PIK3C3: variants seen among roughly 807,000 people sequenced by gnomAD.
The protein encoded by PIK3C3 is PI3-kinase type 3.
In PIK3C3, 95 loss-of-function variants were observed where a neutral mutation model predicts 126.1. That is an observed-to-expected ratio of 0.75 (90% CI 0.64 to 0.89). The LOEUF (loss-of-function observed/expected upper bound fraction) is 0.89, where lower values mean the gene tolerates loss of function less well. PIK3C3 is among the 40% of genes least tolerant of loss of function. PIK3C3 has a pLI of 0.00. For missense variants in PIK3C3, 829 were observed against 1,063.2 expected, an observed-to-expected ratio of 0.78 and a Z score of 3.06; for synonymous variants, 374 against 360.0, an observed-to-expected ratio of 1.04 and a Z score of -0.44.
At chr18:41,979,555 C>T (rs1295433185) in intron 4 of PIK3C3, among the ~76,000 whole-genome samples, 12 of 152,018 alleles carry the variant, frequency 7.9e-5, no homozygotes, top group Non-Finnish European at 5.9e-5. Flanking sequence ...CCTGTACCCA[C>T]GTAATGATAT....
At chr18:41,957,479 T>A in intron 1 of PIK3C3, 91 bp from the exon 2 acceptor site, 1 of 1,280,226 alleles carries the variant, frequency 7.8e-7, no homozygotes, top group Non-Finnish European at 1.1e-6. Flanking sequence ...TGTACATGCT[T>A]AAAGCATATA....
At chr18:42,078,606 A>C (rs1986123829) in intron 24 of PIK3C3, among the ~76,000 whole-genome samples, 1 of 150,844 alleles carries the variant, frequency 6.6e-6, no homozygotes, top group Non-Finnish European at 1.5e-5. Context: ...GAAGCTTTGA[A>C]TCCAGACATT....
chr18:42,040,037 A>G (rs190607724), intron 18 of PIK3C3, among the ~76,000 whole-genome samples: 126 of 152,006 alleles, frequency 8.3e-4, no homozygotes, highest in African/African-American at 2.7e-3. Context: ...TGATCCTGAA[A>G]TGTTGTTTGC....
chr18:41,962,350 G>A lies in PIK3C3; in HGVS notation c.258-139G>A, dbSNP rs1231296757. The A allele has an allele frequency of 9.7e-6, 5 of 517,808 alleles. No homozygotes were observed. In the South Asian group the frequency reaches 1.9e-4, roughly 20 times the overall value. The allele number at this position is 517,808 out of a possible 1,614,324, so 32.1% of individuals were successfully genotyped here. ...AAGTTGCCTTTAGCAAAATTGAGGT[G>A]ACTGCCATATTATTTTTTAGAGTCT... On this transcript the variant is annotated intron_variant, in intron 2 of 24. Coordinates refer to ENST00000262039, the MANE Select transcript of PIK3C3 (RefSeq NM_002647.4).
rs932178669 is a variant in PIK3C3 at position 41,989,058 on chromosome 18, C to T, written c.618+1160C>T. ...TAAAGCTGAAGAATTTAAGTAACCT[C>T]TTCAGACCTTTATCATTTATTATTT... On this transcript the variant is annotated intron_variant, in intron 5 of 24. Coordinates refer to ENST00000262039, the MANE Select transcript of PIK3C3 (RefSeq NM_002647.4). 2.5e-4 allele frequency among the ~76,000 whole-genome samples: 38 copies of T among 152,024 alleles called. 1 individual carries two copies. The highest frequency in any genetic ancestry group is 2.0e-3 in the Admixed American group (31 of 15,226).
intron 13 of PIK3C3, among the ~76,000 whole-genome samples, chr18:42,023,550 C>T (rs927646796): frequency 2.4e-4 from 37 of 152,192 alleles, no homozygotes; most frequent in Non-Finnish European, 4.3e-4. Context: ...TATTCATTCC[C>T]TAAGGAGTAA....
intron 7 of PIK3C3, 48 bp from the exon 8 acceptor site, chr18:41,995,842 T>A (rs749251577): frequency 7.7e-7 from 1 of 1,307,084 alleles, no homozygotes; most frequent in Non-Finnish European, 1.1e-6. Flanking sequence ...CTTTTGAAAT[T>A]TCCTTTTGGT....
chr18:42,048,949 CT>C (rs560472518), intron 20 of PIK3C3, among the ~76,000 whole-genome samples: 14 of 152,114 alleles, frequency 9.2e-5, no homozygotes, highest in African/African-American at 3.1e-4. Flanking sequence ...AATTTCCAGA[CT>C]TTTTTTAGAA....
rs1424653423 is a variant in PIK3C3, at chr18:41,970,419, G to A, written c.494G>A (p.Ser165Asn). ...EPTKTPGRTS[S>N]TLSEDQMSRL... ...ACAAAAACTCCTGGCAGAACAAGTA[G>A]CACTCTCTCAGAAGATCAGATGAGC... The change falls in exon 4 of 25, where the codon AGC (serine) becomes AAC (asparagine). Residue 165 changes from serine (S) to asparagine (N), a missense_variant. By Grantham distance (46) the Ser-to-Asn change is conservative (BLOSUM62 1). Transcript: ENST00000262039. 4 of 1,613,912 alleles carry A rather than the reference G, an allele frequency of 2.5e-6. No homozygotes were observed. Among genetic ancestry groups the A allele is most frequent in the East Asian group, 2.2e-5 (1 of 44,862 alleles).
At chr18:42,050,900 T>C (rs1353784859) in intron 21 of PIK3C3, 1 of 152,222 alleles carries the variant, frequency 6.6e-6, no homozygotes, top group East Asian at 1.9e-4. Flanking sequence ...GGGCTGACTT[T>C]AGTTATTAAG....
chr18:42,043,679 C>A, intron 19 of PIK3C3, 54 bp from the exon 20 acceptor site: 1 of 1,148,446 alleles, frequency 8.7e-7, no homozygotes. Flanking sequence ...TTTCAAAACA[C>A]CTAGTTTGTT....
chr18:41,990,600 G>T (rs1161844078), intron 6 of PIK3C3, 46 bp downstream of exon 6: 2 of 978,946 alleles, frequency 2.0e-6, no homozygotes, highest in South Asian at 1.4e-5. Flanking sequence ...AGAGGGGAGA[G>T]GAAACATTAA....
intron 1 of PIK3C3, among the ~76,000 whole-genome samples, chr18:41,956,969 A>G (rs1979808923): frequency 6.6e-6 from 1 of 152,224 alleles, no homozygotes; most frequent in Non-Finnish European, 1.5e-5. Context: ...TATCCTGTGC[A>G]TATCTATTTA....
chr18:42,028,768 G>T (rs1983687142), intron 14 of PIK3C3, among the ~76,000 whole-genome samples: 1 of 152,044 alleles, frequency 6.6e-6, no homozygotes. Context: ...AGGGTAATTG[G>T]GAAGATTAAA....
intron 20 of PIK3C3, among the ~76,000 whole-genome samples, chr18:42,047,174 T>G (rs1023507348): frequency 1.3e-5 from 2 of 152,156 alleles, no homozygotes; most frequent in Admixed American, 6.5e-5. Flanking sequence ...TGACAAAAAC[T>G]AACTGTAATT....
In PIK3C3 at chr18:42,084,533, T is replaced by C. The variant is rs770787012; in HGVS notation, c.*3396T>C. 6 of 108,018 alleles carry C rather than the reference T, an allele frequency of 5.6e-5. No individual in the cohort carries two copies. The highest frequency in any genetic ancestry group is 9.9e-5 in the Non-Finnish European group (5 of 50,630). 6.7% of individuals were successfully genotyped at this position (108,018 alleles called of 1,614,324 possible). A position where few individuals can be genotyped will look rare whatever the true frequency, so the allele number is the denominator to read the frequency against. ...GGATCCAGGAACAGAAAAAGAACAT[T>C]AGGTAAAAATGACAGAAATCTGAAT... On this transcript the variant is annotated 3_prime_UTR_variant, in exon 25 of 25. Coordinates refer to ENST00000262039, the MANE Select transcript of PIK3C3 (RefSeq NM_002647.4).
At chr18:42,043,409 A>G (rs1040536930) in intron 19 of PIK3C3, among the ~76,000 whole-genome samples, 4 of 152,112 alleles carry the variant, frequency 2.6e-5, no homozygotes, top group Admixed American at 2.6e-4. Flanking sequence ...CTCATTTTTT[A>G]ATAGTACGTT....
intron 6 of PIK3C3, 39 bp from the exon 7 acceptor site, chr18:41,993,231 A>T: frequency 7.9e-7 from 1 of 1,272,928 alleles, no homozygotes; most frequent in Non-Finnish European, 1.1e-6. Flanking sequence ...CTATTGTATT[A>T]AATTTCTTTT....
Position 42,076,129 on chromosome 18 carries a change from TATATATATATATATGCGC to T in PIK3C3, c.2650-4977_2650-4960del, listed in dbSNP as rs1342780243. On this transcript the variant is annotated intron_variant, in intron 24 of 24. Coordinates refer to ENST00000262039, the MANE Select transcript of PIK3C3 (RefSeq NM_002647.4). ...ATATATATATATATATATGCGCATA[TATATATATATATATGCGC>T]ATATATATATATATGCACATATATA... Among the ~76,000 whole-genome samples the T allele has an allele frequency of 1.1e-3, 92 of 81,618 alleles. 1 individual carries two copies. Among genetic ancestry groups the T allele is most frequent in the Admixed American group, 3.6e-3 (30 of 8,372 alleles). The allele number at this position is 81,618 out of a possible 152,430, so 53.5% of individuals were successfully genotyped here. A position where few individuals can be genotyped will look rare whatever the true frequency, so the allele number is the denominator to read the frequency against.
Sources: allele counts gnomAD v4.1 joint callset (sites outside exome capture counted in the v4.1 genomes callset), GRCh38; gene constraint gnomAD v4.1.1; transcripts MANE v1.5; gene names NCBI Gene and HGNC (gene_info 2026-07-23, HGNC 2026-07-21).